Variants in KCNQ3 observed in about 807,000 individuals in gnomAD.
The protein encoded by KCNQ3 is potassium voltage-gated channel subfamily Q member 3.
KCNQ3 carries 30 observed loss-of-function variants against 92.5 expected under a neutral mutation model. The ratio of observed to expected loss-of-function variants is 0.32; its 90% CI spans 0.24 to 0.44. The LOEUF (loss-of-function observed/expected upper bound fraction) is 0.44. KCNQ3 is among the 20% of genes least tolerant of loss of function. The probability of loss-of-function intolerance (pLI) is 1.00; values close to 1 mark genes in which losing one functional copy is unlikely to be tolerated. For missense variants in KCNQ3, 913 were observed against 1,140.3 expected (o/e 0.80, Z 2.87); for synonymous variants, 450 against 468.8 (o/e 0.96, Z 0.52).
chr8:132,344,446 G>T (rs1818621691), intron 1 of KCNQ3, among the ~76,000 whole-genome samples: 1 of 152,214 alleles, frequency 6.6e-6, no homozygotes, highest in Non-Finnish European at 1.5e-5. Flanking sequence ...CAGACATTTA[G>T]TGAGTTTGTT....
At chr8:132,177,567 G>A (rs570348868) in intron 4 of KCNQ3, among the ~76,000 whole-genome samples, 4 of 152,308 alleles carry the variant, frequency 2.6e-5, no homozygotes, top group East Asian at 3.9e-4. Context: ...AGCACACATC[G>A]GATACACTGT....
At chr8:132,176,117 A>G (rs754104860) in intron 4 of KCNQ3, among the ~76,000 whole-genome samples, 1 of 152,344 alleles carries the variant, frequency 6.6e-6, no homozygotes. Flanking sequence ...ATGAAGGGAC[A>G]GAGCCACAGA....
chr8:132,477,346 A>C (rs1026642721), intron 1 of KCNQ3, among the ~76,000 whole-genome samples: 1 of 76,916 alleles, frequency 1.3e-5, no homozygotes, highest in East Asian at 2.8e-4. Context: ...GGTTCATTTT[A>C]ATTTAAAAAA....
At chr8:132,409,973 G>C (rs1820605938) in intron 1 of KCNQ3, among the ~76,000 whole-genome samples, 1 of 152,100 alleles carries the variant, frequency 6.6e-6, no homozygotes, top group South Asian at 2.1e-4. Context: ...TTTTTTAAAT[G>C]ATAGATTTAG....
intron 9 of KCNQ3, among the ~76,000 whole-genome samples, chr8:132,150,643 T>G (rs1017197046): frequency 3.9e-5 from 6 of 152,168 alleles, no homozygotes; most frequent in African/African-American, 1.4e-4. Flanking sequence ...TTTGGTTGAC[T>G]GAAATATTTT....
intron 1 of KCNQ3, among the ~76,000 whole-genome samples, chr8:132,292,573 G>A (rs1816889110): frequency 6.6e-6 from 1 of 152,178 alleles, no homozygotes; most frequent in African/African-American, 2.4e-5. Flanking sequence ...ACAGCAGGAT[G>A]GAGACCAACA....
chr8:132,390,645 G>A (rs915518729), intron 1 of KCNQ3, among the ~76,000 whole-genome samples: 1 of 151,918 alleles, frequency 6.6e-6, no homozygotes, highest in Non-Finnish European at 1.5e-5. Context: ...AGGTTCTCCA[G>A]TCTCCAGCAC....
chr8:132,336,504 A>G (rs1818371225), intron 1 of KCNQ3, among the ~76,000 whole-genome samples: 1 of 152,210 alleles, frequency 6.6e-6, no homozygotes, highest in Non-Finnish European at 1.5e-5. Flanking sequence ...ACAGTAGGTG[A>G]CCACAAAGAG....
intron 1 of KCNQ3, among the ~76,000 whole-genome samples, chr8:132,432,094 C>T (rs1341188478): frequency 6.6e-6 from 1 of 152,186 alleles, no homozygotes; most frequent in Non-Finnish European, 1.5e-5. Context: ...GAATTTGATG[C>T]TTGTCCAAAG....
chr8:132,362,504 A>T (rs1314299147), intron 1 of KCNQ3, among the ~76,000 whole-genome samples: 1 of 152,166 alleles, frequency 6.6e-6, no homozygotes, highest in South Asian at 2.1e-4. Context: ...TGCTCAGGTC[A>T]GTTGGGGGCA....
intron 1 of KCNQ3, among the ~76,000 whole-genome samples, chr8:132,286,282 G>C (rs1440571896): frequency 6.6e-6 from 1 of 152,208 alleles, no homozygotes; most frequent in Non-Finnish European, 1.5e-5. Flanking sequence ...ACCCAGCAAA[G>C]CTGTAGAGGA....
chr8:132,243,883 C>T (rs187701031), intron 1 of KCNQ3, among the ~76,000 whole-genome samples: 1 of 152,310 alleles, frequency 6.6e-6, no homozygotes, highest in East Asian at 1.9e-4. Context: ...TGACTTCATG[C>T]TCTAGATATT....
At chr8:132,302,457 A>G (rs540068347) in intron 1 of KCNQ3, among the ~76,000 whole-genome samples, 63 of 152,240 alleles carry the variant, frequency 4.1e-4, no homozygotes, top group African/African-American at 1.5e-3. Context: ...GATATGATCC[A>G]CCTCGCCCCT....
chr8:132,191,411 A>G (rs935277402), intron 1 of KCNQ3, among the ~76,000 whole-genome samples: 1 of 151,834 alleles, frequency 6.6e-6, no homozygotes, highest in African/African-American at 2.4e-5. Flanking sequence ...TCCTTCTTTA[A>G]CCTCTCAAAG....
intron 1 of KCNQ3, among the ~76,000 whole-genome samples, chr8:132,317,614 G>A (rs1817780061): frequency 6.6e-6 from 1 of 152,158 alleles, no homozygotes; most frequent in Admixed American, 6.5e-5. Flanking sequence ...TTTACAGGGA[G>A]GGCAGCATCA....
At chr8:132,200,861 C>T (rs1012622139) in intron 1 of KCNQ3, among the ~76,000 whole-genome samples, 5 of 152,172 alleles carry the variant, frequency 3.3e-5, no homozygotes, top group Non-Finnish European at 7.3e-5. Flanking sequence ...GCCCCAGGTG[C>T]ATGTTTACAG....
intron 1 of KCNQ3, among the ~76,000 whole-genome samples, chr8:132,230,256 G>A (rs112419684): frequency 0.013 from 2,009 of 152,210 alleles, 52 homozygotes; most frequent in African/African-American, 0.046. Flanking sequence ...TTTGCAAACT[G>A]ACAGTCACTT....
chr8:132,338,488 A>G (rs1195339809), intron 1 of KCNQ3, among the ~76,000 whole-genome samples: 5 of 152,214 alleles, frequency 3.3e-5, no homozygotes, highest in Non-Finnish European at 5.9e-5. Context: ...AGTAATTATT[A>G]CTATATGATA....
intron 1 of KCNQ3, among the ~76,000 whole-genome samples, chr8:132,477,389 T>C (rs1454529115): frequency 1.3e-5 from 2 of 149,256 alleles, no homozygotes; most frequent in African/African-American, 4.9e-5. Flanking sequence ...TGTAGGCCTA[T>C]GGTAAGCCCA....
Sources: allele counts gnomAD v4.1 joint callset (sites outside exome capture counted in the v4.1 genomes callset), GRCh38; gene constraint gnomAD v4.1.1; transcripts MANE v1.5; gene names NCBI Gene and HGNC (gene_info 2026-07-23, HGNC 2026-07-21).